Variants in ROBO2 observed in about 807,000 individuals in gnomAD.
The protein encoded by ROBO2 is roundabout guidance receptor 2, also known as roundabout homolog 2.
In ROBO2, 53 loss-of-function variants were observed where a neutral mutation model predicts 160.8. That is an observed-to-expected ratio of 0.33 (90% confidence interval 0.26 to 0.41). The LOEUF (loss-of-function observed/expected upper bound fraction) is 0.41, where lower values mean the gene tolerates loss of function less well. ROBO2 is among the 10% of genes least tolerant of loss of function. ROBO2 has a pLI of 1.00. For missense variants in ROBO2, 1,577 were observed against 1,722.4 expected (o/e 0.92, Z 1.49); for synonymous variants, 664 against 611.7 (o/e 1.09, Z -1.26).
At chr3:75,974,638 G>T (rs1446438484) in intron 2 of ROBO2, among the ~76,000 whole-genome samples, 2 of 151,526 alleles carry the variant, frequency 1.3e-5, no homozygotes, top group African/African-American at 4.8e-5. Context: ...CAGTGTTTCA[G>T]ATTTTACTGT....
At chr3:77,599,787 T>TA (rs573143361) in intron 19 of ROBO2, among the ~76,000 whole-genome samples, 8 of 151,874 alleles carry the variant, frequency 5.3e-5, no homozygotes, top group Non-Finnish European at 1.0e-4. Flanking sequence ...AAGGAAACCA[T>TA]AAAAAAAATT....
chr3:76,924,361 C>A (rs1344853234), intron 2 of ROBO2, among the ~76,000 whole-genome samples: 1 of 152,132 alleles, frequency 6.6e-6, no homozygotes, highest in Non-Finnish European at 1.5e-5. Context: ...CTCTTAAAGG[C>A]CCAAGAAAAC....
At chr3:76,195,176 C>A (rs910194398) in intron 2 of ROBO2, among the ~76,000 whole-genome samples, 2 of 152,100 alleles carry the variant, frequency 1.3e-5, no homozygotes, top group African/African-American at 4.8e-5. Context: ...TGAATCCTTG[C>A]AAACACCTTG....
chr3:76,115,396 C>A (rs2070423377), intron 2 of ROBO2, among the ~76,000 whole-genome samples: 1 of 152,006 alleles, frequency 6.6e-6, no homozygotes, highest in African/African-American at 2.4e-5. Flanking sequence ...AATTTTCATC[C>A]TCAGCACCAT....
chr3:76,000,674 T>C (rs968691357), intron 2 of ROBO2, among the ~76,000 whole-genome samples: 1 of 151,946 alleles, frequency 6.6e-6, no homozygotes, highest in Non-Finnish European at 1.5e-5. Flanking sequence ...TATTTTTTAG[T>C]AGAAATGGGG....
chr3:77,372,987 T>C (rs2071999788), intron 2 of ROBO2, among the ~76,000 whole-genome samples: 1 of 151,408 alleles, frequency 6.6e-6, no homozygotes, highest in South Asian at 2.1e-4. Context: ...AGATGGCTGG[T>C]ACATTTCCAC....
intron 22 of ROBO2, among the ~76,000 whole-genome samples, 177 bp from the exon 24 acceptor site, chr3:77,622,030 ATGGTTTATGTTTTCCTTGTT>A (rs553495083): frequency 2.8e-4 from 43 of 152,044 alleles, no homozygotes; most frequent in African/African-American, 1.0e-3. Context: ...GAAGAGTTTA[ATGGTTTATGTTTTCCTTGTT>A]TGGTGAGGCT....
intron 2 of ROBO2, among the ~76,000 whole-genome samples, chr3:77,288,377 A>T (rs564447082): frequency 1.3e-5 from 2 of 152,334 alleles, no homozygotes; most frequent in East Asian, 3.9e-4. Flanking sequence ...TTAAAAGCAT[A>T]CAAGTTTTTG....
At chr3:76,441,366 A>C (rs1051638832) in intron 2 of ROBO2, among the ~76,000 whole-genome samples, 3 of 152,222 alleles carry the variant, frequency 2.0e-5, no homozygotes, top group Non-Finnish European at 2.9e-5. Context: ...GAAATTTAAG[A>C]CAAACATTTC....
At chr3:76,545,057 T>C (rs2083021615) in intron 2 of ROBO2, among the ~76,000 whole-genome samples, 1 of 151,980 alleles carries the variant, frequency 6.6e-6, no homozygotes, top group African/African-American at 2.4e-5. Context: ...ACTGGATTTT[T>C]TTTTACTCCA....
chr3:76,940,218 G>A (rs183538484), intron 2 of ROBO2, among the ~76,000 whole-genome samples: 97 of 152,116 alleles, frequency 6.4e-4, no homozygotes, highest in African/African-American at 2.3e-3. Flanking sequence ...TCTTGACCTC[G>A]TGATCCGCCT....
At chr3:76,107,432 C>T (rs1206189429) in intron 2 of ROBO2, among the ~76,000 whole-genome samples, 2 of 152,044 alleles carry the variant, frequency 1.3e-5, no homozygotes, top group Non-Finnish European at 2.9e-5. Context: ...TCTCAGAGAA[C>T]CAAATCCATT....
At chr3:77,330,102 A>G (rs1200382536) in intron 2 of ROBO2, among the ~76,000 whole-genome samples, 3 of 152,196 alleles carry the variant, frequency 2.0e-5, no homozygotes, top group African/African-American at 7.2e-5. Flanking sequence ...CAAATGTAAT[A>G]TATATTAAGG....
chr3:76,627,992 A>G (rs977144438), intron 2 of ROBO2, among the ~76,000 whole-genome samples: 6 of 152,132 alleles, frequency 3.9e-5, no homozygotes, highest in African/African-American at 1.4e-4. Flanking sequence ...AGTTACTTTG[A>G]ATATATTATA....
intron 2 of ROBO2, among the ~76,000 whole-genome samples, chr3:77,141,647 G>C (rs978930663): frequency 6.6e-6 from 1 of 152,110 alleles, no homozygotes; most frequent in Non-Finnish European, 1.5e-5. Flanking sequence ...CTTTGATAAG[G>C]TTCTAGTTGG....
At chr3:76,069,015 C>A (rs2068354713) in intron 2 of ROBO2, among the ~76,000 whole-genome samples, 1 of 146,690 alleles carries the variant, frequency 6.8e-6, no homozygotes, top group Non-Finnish European at 1.5e-5. Flanking sequence ...AGGGATGATT[C>A]TGGCATTTAT....
intron 2 of ROBO2, among the ~76,000 whole-genome samples, chr3:77,296,774 G>A (rs985970596): frequency 3.3e-5 from 5 of 152,120 alleles, no homozygotes; most frequent in African/African-American, 1.2e-4. Context: ...CAAAAGAGGA[G>A]GGACCTGGGA....
At chr3:76,908,138 C>A (rs979314738) in intron 2 of ROBO2, among the ~76,000 whole-genome samples, 1 of 152,090 alleles carries the variant, frequency 6.6e-6, no homozygotes, top group Non-Finnish European at 1.5e-5. Flanking sequence ...TCAAACCCAG[C>A]CTGCCTTTCT....
intron 1 of ROBO2, among the ~76,000 whole-genome samples, chr3:77,087,424 G>A (rs187055648): frequency 6.6e-6 from 1 of 152,158 alleles, no homozygotes; most frequent in Admixed American, 6.5e-5. Flanking sequence ...AGGTAAATCT[G>A]CATAAGCCAT....
Sources: gnomAD v4.1 joint callset for allele counts (sites outside exome capture counted in the v4.1 genomes callset) on GRCh38, gnomAD v4.1.1 for gene constraint, MANE v1.5 for transcripts, NCBI Gene and HGNC (gene_info 2026-07-23, HGNC 2026-07-21) for gene names.